Variants in EYA1 observed in about 807,000 individuals in gnomAD.
The protein encoded by EYA1 is EYA transcriptional coactivator and phosphatase 1.
A neutral mutation model predicts 82.0 loss-of-function variants in EYA1; 16 were observed. The ratio of observed to expected loss-of-function variants is 0.20; its 90% CI spans 0.13 to 0.30. The LOEUF is 0.30. Among genes scored for constraint, EYA1 ranks in the 10% least tolerant of loss-of-function variants. The pLI is 1.00. For synonymous variants in EYA1, 261 were observed against 264.4 expected (o/e 0.99, Z 0.12); for missense variants, 633 against 730.7 (o/e 0.87, Z 1.54).
chr8:71,220,189 C>CATA (rs1193737365), intron 12 of EYA1, among the ~76,000 whole-genome samples: 1 of 152,138 alleles, frequency 6.6e-6, no homozygotes, highest in Non-Finnish European at 1.5e-5. Flanking sequence ...ACAGAACATA[C>CATA]ATAATTCTAT....
chr8:71,255,229 T>G (rs1430780450), intron 11 of EYA1, among the ~76,000 whole-genome samples: 1 of 152,202 alleles, frequency 6.6e-6, no homozygotes, highest in African/African-American at 2.4e-5. Context: ...AGTATTTTTT[T>G]GCAGAAACAG....
At chr8:71,307,705 A>G (rs996717409) in intron 7 of EYA1, among the ~76,000 whole-genome samples, 4 of 152,168 alleles carry the variant, frequency 2.6e-5, no homozygotes, top group African/African-American at 9.7e-5. Flanking sequence ...AATCTCACCT[A>G]TTTGAGCGAT....
chr8:71,356,803 C>T (rs1303275182), intron 1 of EYA1: 7 of 1,058,438 alleles, frequency 6.6e-6, no homozygotes, highest in Admixed American at 5.1e-5. Context: ...ACCCCTCCCC[C>T]AATCAACATG....
chr8:71,321,983 A>C, intron 5 of EYA1, 104 bp from the exon 6 acceptor site: 3 of 1,484,744 alleles, frequency 2.0e-6, no homozygotes, highest in Admixed American at 3.4e-5. Flanking sequence ...ATTGTATCTT[A>C]AAGTAAAACT....
At chr8:71,223,527 G>C (rs1340800003) in intron 12 of EYA1, among the ~76,000 whole-genome samples, 1 of 152,186 alleles carries the variant, frequency 6.6e-6, no homozygotes. Context: ...TGGGTGGCTG[G>C]GGAAACTGCC....
At chr8:71,312,432 T>C (rs182587680) in intron 7 of EYA1, among the ~76,000 whole-genome samples, 1 of 152,318 alleles carries the variant, frequency 6.6e-6, no homozygotes, top group East Asian at 1.9e-4. Context: ...TTTCAGGTTC[T>C]TATTATTTAT....
intron 11 of EYA1, among the ~76,000 whole-genome samples, chr8:71,265,096 A>G (rs539441657): frequency 2.6e-5 from 4 of 152,302 alleles, no homozygotes; most frequent in African/African-American, 9.6e-5. Flanking sequence ...TGTAATTCAT[A>G]AATTTGAGGA....
At chr8:71,294,157 A>T (rs537152251) in intron 9 of EYA1, among the ~76,000 whole-genome samples, 1 of 152,192 alleles carries the variant, frequency 6.6e-6, no homozygotes, top group South Asian at 2.1e-4. Flanking sequence ...AGCAGTTGGA[A>T]TTTGAAATTA....
At chr8:71,416,972 G>T (rs55662132) in intron 2 of EYA1, among the ~76,000 whole-genome samples, 189 of 152,294 alleles carry the variant, frequency 1.2e-3, no homozygotes, top group African/African-American at 4.4e-3. Context: ...CCCTCAATCT[G>T]GGTGGACACC....
intron 7 of EYA1, among the ~76,000 whole-genome samples, chr8:71,301,579 A>G (rs906268008): frequency 1.3e-5 from 2 of 152,182 alleles, no homozygotes; most frequent in African/African-American, 4.8e-5. Flanking sequence ...TATTTTTATT[A>G]AGAAGGGAAT....
chr8:71,349,318 T>C (rs1826075421), intron 3 of EYA1, among the ~76,000 whole-genome samples: 1 of 152,200 alleles, frequency 6.6e-6, no homozygotes, highest in East Asian at 1.9e-4. Flanking sequence ...GGGAATGGCA[T>C]CATTCAGCCA....
At chr8:71,451,221 T>A (rs1005213932) in intron 2 of EYA1, among the ~76,000 whole-genome samples, 4 of 152,218 alleles carry the variant, frequency 2.6e-5, no homozygotes, top group African/African-American at 9.6e-5. Flanking sequence ...TAACCACACT[T>A]CTGGAATAAT....
intron 2 of EYA1, among the ~76,000 whole-genome samples, chr8:71,437,056 A>ATC (rs1491492467): frequency 4.6e-4 from 1 of 2,190 alleles, no homozygotes; most frequent in African/African-American, 0.012. Flanking sequence ...GTATATCTAC[A>ATC]TATATATATA....
intron 9 of EYA1, among the ~76,000 whole-genome samples, chr8:71,298,413 G>GGA (rs1416002639): frequency 1.3e-5 from 2 of 152,144 alleles, no homozygotes; most frequent in Non-Finnish European, 1.5e-5. Flanking sequence ...AAATCAGGCA[G>GGA]ACACCATTAA....
intron 2 of EYA1, among the ~76,000 whole-genome samples, chr8:71,375,202 G>A (rs1314105149): frequency 2.0e-5 from 3 of 152,028 alleles, no homozygotes; most frequent in Non-Finnish European, 2.9e-5. Flanking sequence ...TAATTTGTTT[G>A]ACTACAGCAA....
intron 3 of EYA1, among the ~76,000 whole-genome samples, chr8:71,337,454 C>A (rs1396544510): frequency 6.6e-6 from 1 of 152,184 alleles, no homozygotes. Flanking sequence ...GTTCCTCCAA[C>A]TCCTTCACTT....
chr8:71,311,003 A>C (rs185998130), intron 7 of EYA1, among the ~76,000 whole-genome samples: 3 of 152,274 alleles, frequency 2.0e-5, no homozygotes, highest in East Asian at 3.9e-4. Flanking sequence ...ACTTAATTTT[A>C]ATGGTTTTGT....
At chr8:71,207,241 C>T (rs1807906697) in intron 17 of EYA1, among the ~76,000 whole-genome samples, 1 of 152,176 alleles carries the variant, frequency 6.6e-6, no homozygotes, top group Admixed American at 6.5e-5. Context: ...TGCAGCACTC[C>T]ACTTTAAAGA....
intron 3 of EYA1, among the ~76,000 whole-genome samples, chr8:71,343,229 G>A (rs1037085960): frequency 2.0e-5 from 3 of 152,126 alleles, no homozygotes; most frequent in Non-Finnish European, 4.4e-5. Flanking sequence ...AGCTGGGCTT[G>A]AAGAAAATTC....
Sources: allele counts gnomAD v4.1 joint callset (sites outside exome capture counted in the v4.1 genomes callset), GRCh38; gene constraint gnomAD v4.1.1; transcripts MANE v1.5; gene names NCBI Gene and HGNC (gene_info 2026-07-23, HGNC 2026-07-21).